TAF15: variants seen among roughly 807,000 people sequenced by gnomAD.
TAF15 encodes the protein TATA-box binding protein associated factor 15.
In TAF15, 37 loss-of-function variants were observed where a neutral mutation model predicts 102.5. The observed-to-expected ratio is 0.36, with a 90% CI of 0.28 to 0.47. The LOEUF is 0.47. TAF15 is among the 20% of genes least tolerant of loss of function. The probability of loss-of-function intolerance (pLI) is 0.99; values close to 1 mark genes in which losing one functional copy is unlikely to be tolerated. For synonymous variants in TAF15, 273 were observed against 259.2 expected (o/e 1.05, Z -0.51); for missense variants, 652 against 760.7 (o/e 0.86, Z 1.68).
chr17:35,818,952 T>C (rs2087226527), intron 2 of TAF15, among the ~76,000 whole-genome samples: 1 of 152,226 alleles, frequency 6.6e-6, no homozygotes, highest in Non-Finnish European at 1.5e-5. Flanking sequence ...AGCGTTTTTT[T>C]AGTGTGCTTA....
In TAF15 at chr17:35,824,072, T is replaced by A; in HGVS notation, c.485-6T>A. On this transcript the variant is annotated splice_region_variant and splice_polypyrimidine_tract_variant and intron_variant, in intron 6 of 15. Transcript: ENST00000605844. The stretch of plus-strand genomic sequence containing the variant: ...TTATTTGTGTGTAATATTTTCTTTT[T>A]TGTAGATGACCGTCGTGATGTGAGT... 6.2e-7 allele frequency: 1 copy of A among 1,614,148 alleles called. No homozygotes were observed. The highest frequency in any genetic ancestry group is 8.5e-7 in the Non-Finnish European group (1 of 1,180,030).
At chr17:35,826,724 ATTTT>A (rs756619028) in intron 7 of TAF15, among the ~76,000 whole-genome samples, 1 of 127,992 alleles carries the variant, frequency 7.8e-6, no homozygotes, top group Non-Finnish European at 1.7e-5. Context: ...CACCCGGCTA[ATTTT>A]TTTTTTTTTT....
chr17:35,825,401 A>T (rs543330970), intron 7 of TAF15, among the ~76,000 whole-genome samples: 1 of 152,338 alleles, frequency 6.6e-6, no homozygotes, highest in South Asian at 2.1e-4. Flanking sequence ...ATGTAAAGTG[A>T]CATGGTGCTT....
intron 10 of TAF15, among the ~76,000 whole-genome samples, chr17:35,837,731 G>T (rs2087493894): frequency 6.6e-6 from 1 of 151,994 alleles, no homozygotes. Context: ...GGCGGCTGAG[G>T]CAGGAGAGTG....
Position 35,836,154 on chromosome 17 carries a change from TAAC to T in TAF15, c.701_703del (p.Asn234del), listed in dbSNP as rs2087471951. On this transcript the variant is annotated inframe_deletion, in exon 10 of 16. Transcript: ENST00000605844. ...TAGATTCAGAATCTGATAATTCAGA[TAAC>T]AACACAATCTTTGTGCAAGGACTTG... 2 of 1,613,640 alleles carry T rather than the reference TAAC, an allele frequency of 1.2e-6. No homozygotes were observed. The highest frequency in any genetic ancestry group is 1.7e-6 in the Non-Finnish European group (2 of 1,179,666).
chr17:35,836,786 T>TTTTTTTTTTTGAGACAGAATCTCAC (rs2087480245), intron 10 of TAF15, among the ~76,000 whole-genome samples: 1 of 148,464 alleles, frequency 6.7e-6, no homozygotes, highest in Non-Finnish European at 1.5e-5. Flanking sequence ...GAATTACTCT[T>TTTTTTTTTTTGAGACAGAATCTCAC]TTTTTTTTTT....
intron 1 of TAF15, among the ~76,000 whole-genome samples, chr17:35,816,436 G>A (rs983271039): frequency 6.6e-6 from 1 of 152,230 alleles, no homozygotes; most frequent in Non-Finnish European, 1.5e-5. Flanking sequence ...GGAGTGAGCT[G>A]TGATGGCACC....
intron 6 of TAF15, 87 bp from the exon 7 acceptor site, chr17:35,823,991 G>A (rs1255313790): frequency 1.3e-6 from 2 of 1,534,950 alleles, no homozygotes; most frequent in African/African-American, 1.4e-5. Flanking sequence ...ATAAGGATAT[G>A]TGTGGCCTAA....
chr17:35,812,074 A>G (rs2087130724), intron 1 of TAF15, among the ~76,000 whole-genome samples: 1 of 152,020 alleles, frequency 6.6e-6, no homozygotes, highest in Non-Finnish European at 1.5e-5. Flanking sequence ...AAACGTACGG[A>G]CCATTAACGC....
intron 10 of TAF15, among the ~76,000 whole-genome samples, chr17:35,837,582 C>G (rs554436155): frequency 1.3e-5 from 2 of 150,624 alleles, no homozygotes; most frequent in Non-Finnish European, 3.0e-5. Flanking sequence ...AATCCCAGCA[C>G]TTTGGGAGGC....
intron 11 of TAF15, among the ~76,000 whole-genome samples, chr17:35,839,198 T>A (rs927755373): frequency 6.6e-6 from 1 of 150,786 alleles, no homozygotes; most frequent in African/African-American, 2.4e-5. Flanking sequence ...GGAGGATCAC[T>A]TGGGCCCAGG....
chr17:35,836,277 T>C, intron 10 of TAF15, 36 bp downstream of exon 10: 1 of 1,391,122 alleles, frequency 7.2e-7, no homozygotes, highest in East Asian at 2.3e-5. Context: ...AATCTCATAA[T>C]TAATGTTCTG....
intron 7 of TAF15, chr17:35,830,387 TC>T (rs1303013840): frequency 6.6e-6 from 1 of 152,244 alleles, no homozygotes; most frequent in Non-Finnish European, 1.5e-5. Context: ...CTCTGCTACT[TC>T]AGGAATTCTT....
Position 35,829,619 on chromosome 17 carries a change from G to A in TAF15, c.606-4288G>A, listed in dbSNP as rs1172901190. On this transcript the variant is annotated intron_variant, in intron 7 of 15. Transcript: ENST00000605844. ...TGTACTCTGGCCTGGGAGACAGAGC[G>A]AGACTCCATCTCAAAAAAAAAAAAA... 1.1e-4 allele frequency among the ~76,000 whole-genome samples: 12 copies of A among 112,838 alleles called. No individual in the cohort carries two copies. The East Asian group carries it at 2.3e-3, about 22-fold the overall frequency. The allele number at this position is 112,838 out of a possible 152,430, so 74.0% of individuals were successfully genotyped here. A position where few individuals can be genotyped will look rare whatever the true frequency, so the allele number is the denominator to read the frequency against.
rs2087601510 is a variant in TAF15 at position 35,844,854 on chromosome 17, CGAG to C, written c.1560_1562del (p.Gly521del). The C allele has an allele frequency of 3.1e-6, 5 of 1,597,328 alleles. No homozygotes were observed. Among genetic ancestry groups the C allele is most frequent in the Non-Finnish European group, 4.3e-6 (5 of 1,171,896 alleles). ...AGATCGAGGAGGTTATGGAGGAGATCGAGGAGGCTATGGAGGAGACAGAAGCCG... is the reference window on the plus strand; with the variant it reads ...AGATCGAGGAGGTTATGGAGGAGATCGAGGCTATGGAGGAGACAGAAGCCG... On this transcript the variant is annotated inframe_deletion, in exon 15 of 16. Coordinates refer to ENST00000605844, the MANE Select transcript of TAF15 (RefSeq NM_139215.3).
At chr17:35,814,623 C>T (rs538216937) in intron 1 of TAF15, among the ~76,000 whole-genome samples, 7 of 152,074 alleles carry the variant, frequency 4.6e-5, no homozygotes, top group Non-Finnish European at 1.0e-4. Flanking sequence ...GAGGCCGAGG[C>T]GGGCGGTTCA....
intron 8 of TAF15, 164 bp from the exon 9 acceptor site, chr17:35,834,402 A>G: frequency 1.5e-6 from 1 of 664,174 alleles, no homozygotes; most frequent in Admixed American, 2.9e-5. Flanking sequence ...CCTAAACTTT[A>G]AATAAAACAT....
At chr17:35,834,189 C>T (rs1327767484) in intron 8 of TAF15, 1 of 371,476 alleles carries the variant, frequency 2.7e-6, no homozygotes, top group African/African-American at 2.1e-5. Flanking sequence ...ATGAAAGAGT[C>T]TGTGGTGACC....
chr17:35,818,671 CAT>C (rs1285794180), intron 2 of TAF15: 2 of 151,892 alleles, frequency 1.3e-5, no homozygotes, highest in East Asian at 3.9e-4. Context: ...ATTATCCAGA[CAT>C]AGTGGTGTGT....
Sources: allele counts gnomAD v4.1 joint callset (sites outside exome capture counted in the v4.1 genomes callset), GRCh38; gene constraint gnomAD v4.1.1; transcripts MANE v1.5; gene names NCBI Gene and HGNC (gene_info 2026-07-23, HGNC 2026-07-21).